The following NXPE2 variants were observed in gnomAD, a reference collection of about 807,000 sequenced individuals.
NXPE2 encodes neurexophilin and PC-esterase domain family member 2, also known as NXPE family member 2.
Under a neutral mutation model 34.4 loss-of-function variants are expected in NXPE2, and 34 were observed. The observed-to-expected ratio is 0.99, with a 90% CI of 0.75 to 1.31. NXPE2 has a LOEUF of 1.31. Ranked by LOEUF, NXPE2 falls within the 40% of genes most tolerant of loss-of-function variation. NXPE2 has a pLI of 0.00. For missense variants in NXPE2, 649 were observed against 672.5 expected (o/e 0.97, Z 0.39); for synonymous variants, 235 against 231.3 (o/e 1.02, Z -0.15).
the NXPE2 span, chr11:114,529,013 T>G: frequency 2.4e-6 from 1 of 411,080 alleles, no homozygotes; most frequent in Non-Finnish European, 4.3e-6. Flanking sequence ...GAGCCAAAAC[T>G]TGGATAATGA....
chr11:114,536,300 T>A, the NXPE2 span, among the ~76,000 whole-genome samples: 1 of 152,192 alleles, frequency 6.6e-6, no homozygotes, highest in South Asian at 2.1e-4. Context: ...GAGGGAAATT[T>A]ATAGCACTAA....
the NXPE2 span, among the ~76,000 whole-genome samples, chr11:114,719,945 G>A: frequency 6.6e-6 from 1 of 152,316 alleles, no homozygotes; most frequent in East Asian, 1.9e-4. Flanking sequence ...CAGCTCAAGT[G>A]CCTGGACATA....
chr11:114,614,549 C>A, the NXPE2 span, among the ~76,000 whole-genome samples: 3 of 148,536 alleles, frequency 2.0e-5, no homozygotes, highest in Non-Finnish European at 4.5e-5. Flanking sequence ...CCAGTGGATA[C>A]TAAATGTTAC....
chr11:114,616,159 A>G, the NXPE2 span, among the ~76,000 whole-genome samples: 2 of 151,234 alleles, frequency 1.3e-5, no homozygotes, highest in African/African-American at 4.9e-5. Flanking sequence ...GTGGGTAACC[A>G]TGGTTACCCT....
the NXPE2 span, among the ~76,000 whole-genome samples, chr11:114,753,968 C>G: frequency 6.8e-6 from 1 of 147,100 alleles, no homozygotes; most frequent in South Asian, 2.2e-4. Context: ...CAGTGAAGGG[C>G]ATTTGTCCAT....
the NXPE2 span, among the ~76,000 whole-genome samples, chr11:114,775,884 A>AAAC: frequency 1.4e-5 from 2 of 147,298 alleles, no homozygotes; most frequent in African/African-American, 5.0e-5. Context: ...AAAAACGAAA[A>AAAC]AAAAAAACAA....
chr11:114,691,848 C>G (rs749538449), intron 2 of NXPE2, among the ~76,000 whole-genome samples: 1 of 152,186 alleles, frequency 6.6e-6, no homozygotes, highest in Admixed American at 6.5e-5. Flanking sequence ...TGCCTCCATT[C>G]TACTTCTTGG....
chr11:114,582,329 T>A, the NXPE2 span: 3 of 1,595,822 alleles, frequency 1.9e-6, no homozygotes, highest in South Asian at 3.4e-5. Context: ...GATAAGAAAC[T>A]TTCTTGTTCT....
chr11:114,638,402 C>T, the NXPE2 span, among the ~76,000 whole-genome samples: 19 of 151,940 alleles, frequency 1.3e-4, no homozygotes, highest in Admixed American at 2.6e-4. Context: ...TCTTTGCCTT[C>T]GGTTTGAATT....
the NXPE2 span, among the ~76,000 whole-genome samples, chr11:114,604,649 C>T: frequency 1.9e-4 from 29 of 149,866 alleles, no homozygotes; most frequent in South Asian, 2.1e-3. Context: ...CGCTGTTACC[C>T]GGTGGATAAT....
the NXPE2 span, among the ~76,000 whole-genome samples, chr11:114,535,437 A>C: frequency 6.6e-6 from 1 of 152,324 alleles, no homozygotes; most frequent in African/African-American, 2.4e-5. Context: ...AACAATACTA[A>C]CCATAAATGT....
the NXPE2 span, among the ~76,000 whole-genome samples, chr11:114,767,736 A>G: frequency 6.6e-6 from 1 of 152,176 alleles, no homozygotes; most frequent in African/African-American, 2.4e-5. Context: ...TATGCTCTCC[A>G]TGGTACATTG....
At chr11:114,579,775 T>C in the NXPE2 span, among the ~76,000 whole-genome samples, 1 of 152,242 alleles carries the variant, frequency 6.6e-6, no homozygotes, top group South Asian at 2.1e-4. Context: ...GAACCCAGGT[T>C]GTCTGGTTCT....
the NXPE2 span, among the ~76,000 whole-genome samples, chr11:114,479,982 C>T: frequency 6.6e-6 from 1 of 152,026 alleles, no homozygotes; most frequent in Admixed American, 6.6e-5. Context: ...AGACATCAGG[C>T]TTTTTAAAAT....
At chr11:114,744,834 T>A in the NXPE2 span, among the ~76,000 whole-genome samples, 1 of 152,056 alleles carries the variant, frequency 6.6e-6, no homozygotes, top group Non-Finnish European at 1.5e-5. Flanking sequence ...AATCTCACAA[T>A]ATTATAAGTA....
the NXPE2 span, among the ~76,000 whole-genome samples, chr11:114,627,341 C>G: frequency 6.6e-6 from 1 of 152,190 alleles, no homozygotes; most frequent in African/African-American, 2.4e-5. Context: ...CTCTACAAGC[C>G]AGAAGAGAGT....
the NXPE2 span, among the ~76,000 whole-genome samples, chr11:114,548,029 A>T: frequency 6.6e-6 from 1 of 151,794 alleles, no homozygotes; most frequent in Non-Finnish European, 1.5e-5. Flanking sequence ...ATACCACATT[A>T]AAAAAAAGGG....
Position 114,706,909 on chromosome 11 carries a change from G to A in NXPE2, c.1659G>A (p.Met553Ile). ...ATGTGATTCAAAATCAGATTGGCAT[G>A]TTCTTAAACTACATTTGTTAGAGGA... The part of the protein sequence containing the change: ...PDYVIQNQIG[M>I]FLNYIC Residue 553 changes from methionine (M) to isoleucine (I), a missense_variant, in exon 6 of 6, where the codon ATG becomes ATA. By Grantham distance (10) the Met-to-Ile change is conservative. Coordinates refer to ENST00000389586, the MANE Select transcript of NXPE2 (RefSeq NM_182495.6). 6.5e-7 allele frequency: 1 copy of A among 1,548,334 alleles called. No homozygotes were observed. Among genetic ancestry groups the A allele is most frequent in the Admixed American group, 2.0e-5 (1 of 50,856 alleles).
At chr11:114,763,467 T>G in the NXPE2 span, among the ~76,000 whole-genome samples, 1 of 152,214 alleles carries the variant, frequency 6.6e-6, no homozygotes, top group Non-Finnish European at 1.5e-5. Flanking sequence ...TACACTTCCA[T>G]TAGCTATTTT....
Sources: gnomAD v4.1 joint callset for allele counts (sites outside exome capture counted in the v4.1 genomes callset) on GRCh38, gnomAD v4.1.1 for gene constraint, MANE v1.5 for transcripts, NCBI Gene and HGNC (gene_info 2026-07-23, HGNC 2026-07-21) for gene names.